DDX60L: variants seen among roughly 807,000 people sequenced by gnomAD.
The protein encoded by DDX60L is probable ATP-dependent RNA helicase DDX60-like.
In DDX60L, 191 loss-of-function variants were observed where a neutral mutation model predicts 211.6. That is an observed-to-expected ratio of 0.90 (90% CI 0.80 to 1.02). The LOEUF (loss-of-function observed/expected upper bound fraction) is 1.02. Among genes scored for constraint, DDX60L ranks in the 50% least tolerant of loss-of-function variants. DDX60L has a pLI of 0.00. For missense variants in DDX60L, 2,007 were observed against 1,984.1 expected, an observed-to-expected ratio of 1.01 and a Z score of -0.22; for synonymous variants, 706 against 694.1, an observed-to-expected ratio of 1.02 and a Z score of -0.27.
At chr4:168,362,093 G>A (rs1056118728) in intron 36 of DDX60L, among the ~76,000 whole-genome samples, 19 of 152,206 alleles carry the variant, frequency 1.2e-4, no homozygotes, top group Admixed American at 5.2e-4. Flanking sequence ...CTCGTGCTGC[G>A]CAGCCAGAAA....
At chr4:168,453,788 A>C (rs760474952) in intron 7 of DDX60L, among the ~76,000 whole-genome samples, 7 of 152,238 alleles carry the variant, frequency 4.6e-5, no homozygotes, top group Non-Finnish European at 1.0e-4. Context: ...AGGTTAAAAA[A>C]ACCTTAATCT....
rs375977740 is a variant in DDX60L at position 168,421,789 on chromosome 4, C to T, written c.2365G>A (p.Gly789Arg). Residue 789 changes from glycine to arginine, a missense_variant, in exon 17 of 38, where the codon GGG (glycine) becomes AGG (arginine). Physicochemically the swap from Gly to Arg is moderately radical, Grantham distance 125 (BLOSUM62 -2). Transcript: ENST00000682922. ...GCGGGTGCAACGTACACAACCACCC[C>T]GACATCGCTCTCCCTCAGCACTTTC... Reference protein sequence around the residue: ...MEKVLRESDVGVVVYVAPAKS... With the variant: ...MEKVLRESDVRVVVYVAPAKS... 105 of 1,614,126 alleles carry T rather than the reference C, an allele frequency of 6.5e-5. No individual in the cohort carries two copies. The Middle Eastern group carries it at 1.3e-3, about 20-fold the overall frequency.
At position 168,427,317 on chromosome 4, in the gene DDX60L, G is replaced by A; in HGVS notation, c.1683C>T (p.Thr561=). ...SGASGEILQN[T]KPHQITKKSK... ...TCTTTTTGGTAATTTGGTGGGGTTTGGTATTCTGCTCAATAATAAAAGGAA... is the reference window on the plus strand; with the variant it reads ...TCTTTTTGGTAATTTGGTGGGGTTTAGTATTCTGCTCAATAATAAAAGGAA... Residue 561 remains threonine (T), a synonymous_variant, in exon 14 of 38, where the codon ACC becomes ACT. Coordinates refer to ENST00000682922, the MANE Select transcript of DDX60L (RefSeq NM_001012967.3). 4.3e-6 allele frequency: 7 copies of A among 1,611,664 alleles called. No homozygotes were observed. Among genetic ancestry groups the A allele is most frequent in the Non-Finnish European group, 5.9e-6 (7 of 1,179,380 alleles).
rs368203469 is a variant in DDX60L at position 168,391,677 on chromosome 4, A to G, written c.3811-33T>C. 2.3e-5 allele frequency: 27 copies of G among 1,153,390 alleles called. 1 individual carries two copies. The highest frequency in any genetic ancestry group is 2.0e-4 in the Middle Eastern group (1 of 5,050). The allele number at this position is 1,153,390 out of a possible 1,614,324, so 71.4% of individuals were successfully genotyped here. A position where few individuals can be genotyped will look rare whatever the true frequency, so the allele number is the denominator to read the frequency against. On this transcript the variant is annotated intron_variant, in intron 28 of 37. Coordinates refer to ENST00000682922, the MANE Select transcript of DDX60L (RefSeq NM_001012967.3). Reference sequence around the variant, plus strand: ...AAAAAAAAAAAAACAGTCAATACACAATATAGCATATCTATAAGGACACAA... The same window carrying G: ...AAAAAAAAAAAAACAGTCAATACACGATATAGCATATCTATAAGGACACAA...
intron 1 of DDX60L, among the ~76,000 whole-genome samples, chr4:168,473,231 G>A (rs1013924208): frequency 2.6e-5 from 4 of 152,168 alleles, no homozygotes; most frequent in African/African-American, 9.7e-5. Context: ...AGTCTTTTAA[G>A]GAATTTTAAG....
intron 19 of DDX60L, among the ~76,000 whole-genome samples, chr4:168,418,789 G>A (rs1749997162): frequency 6.6e-6 from 1 of 152,218 alleles, no homozygotes; most frequent in South Asian, 2.1e-4. Flanking sequence ...GTCTGACCTT[G>A]GGAATTGGCT....
chr4:168,404,220 G>T (rs1192131479), intron 24 of DDX60L, 114 bp from the exon 25 acceptor site: 2 of 777,966 alleles, frequency 2.6e-6, no homozygotes, highest in Non-Finnish European at 3.7e-6. Flanking sequence ...ATATAATTTT[G>T]GGTGGGTTTT....
At chr4:168,402,676 G>A (rs767794687) in intron 25 of DDX60L, among the ~76,000 whole-genome samples, 1 of 152,100 alleles carries the variant, frequency 6.6e-6, no homozygotes, top group Non-Finnish European at 1.5e-5. Context: ...GCCTCTACAT[G>A]GGCACCAGTC....
rs1049866203 is a variant in DDX60L at position 168,379,373 on chromosome 4, T to C, written c.4353A>G (p.Pro1451=). 2 of 1,571,160 alleles carry C rather than the reference T, an allele frequency of 1.3e-6. No homozygotes were observed. Among genetic ancestry groups the C allele is most frequent in the East Asian group, 2.3e-5 (1 of 43,546 alleles). Residue 1451 remains proline, a synonymous_variant, in exon 32 of 38, where the codon CCA becomes CCG. Transcript: ENST00000682922. ...KRGLFHNLCK[P]AWKGSQQFSQ... Reference sequence around the variant, plus strand: ...AAAACCCAAGCTTACCTTTCCAGGCTGGCTTACAGAGATTATGGAAAAGGC... The same window carrying C: ...AAAACCCAAGCTTACCTTTCCAGGCCGGCTTACAGAGATTATGGAAAAGGC...
intron 25 of DDX60L, 134 bp from the exon 26 acceptor site, chr4:168,401,112 T>G: frequency 1.3e-6 from 1 of 773,012 alleles, no homozygotes; most frequent in African/African-American, 1.8e-5. Flanking sequence ...AAATTTAAAC[T>G]GAAAGACTGG....
chr4:168,367,040 A>G (rs1034392679), intron 36 of DDX60L, among the ~76,000 whole-genome samples: 2 of 152,086 alleles, frequency 1.3e-5, no homozygotes, highest in African/African-American at 4.8e-5. Flanking sequence ...AGCATAATAT[A>G]ATATGCTAAT....
intron 17 of DDX60L, among the ~76,000 whole-genome samples, chr4:168,420,959 T>C (rs998669734): frequency 2.0e-5 from 3 of 152,178 alleles, no homozygotes; most frequent in Non-Finnish European, 2.9e-5. Flanking sequence ...AGCTTAACTA[T>C]AATTATATAA....
In DDX60L at chr4:168,441,510, A is replaced by T; in HGVS notation, c.1139-18T>A. ...ATGTGGTTCTGCATAACAATAAAAA[A>T]TATTAAAATCTCAAAAGTCATACAC... On this transcript the variant is annotated intron_variant, in intron 9 of 37. Coordinates refer to ENST00000682922, the MANE Select transcript of DDX60L (RefSeq NM_001012967.3). 6.4e-7 allele frequency: 1 copy of T among 1,574,270 alleles called. No individual in the cohort carries two copies. The highest frequency in any genetic ancestry group is 8.6e-7 in the Non-Finnish European group (1 of 1,160,070).
At chr4:168,371,912 G>T (rs969587771) in intron 35 of DDX60L, 149 bp from the exon 36 acceptor site, 13 of 705,520 alleles carry the variant, frequency 1.8e-5, no homozygotes, top group Admixed American at 8.5e-5. Context: ...ATTCCCATGG[G>T]GGTTGAGGGA....
intron 1 of DDX60L, among the ~76,000 whole-genome samples, chr4:168,477,473 T>C (rs1332661965): frequency 6.6e-6 from 1 of 152,194 alleles, no homozygotes; most frequent in Non-Finnish European, 1.5e-5. Context: ...GCTATCGTTC[T>C]TTTAATCTAA....
rs774104727 is a variant in DDX60L, at chr4:168,394,446, T to C, written c.3810+19A>G. 5 of 1,574,460 alleles carry C rather than the reference T, an allele frequency of 3.2e-6. No homozygotes were observed. The South Asian group carries it at 4.7e-5, about 15-fold the overall frequency. On this transcript the variant is annotated intron_variant, in intron 28 of 37. Transcript: ENST00000682922. ...AATATGCACAACTTTATTTTTTAAATGCAAAGAAATTTACCTACCCTAATA... is the reference window on the plus strand; with the variant it reads ...AATATGCACAACTTTATTTTTTAAACGCAAAGAAATTTACCTACCCTAATA...
At chr4:168,390,532 T>C in intron 29 of DDX60L, 1 of 1,396,422 alleles carries the variant, frequency 7.2e-7, no homozygotes. Context: ...TCACATGATC[T>C]AAATTTGAAT....
In DDX60L at chr4:168,373,786, T is replaced by C. The variant is rs371991809; in HGVS notation, c.4656A>G (p.Glu1552=). 3 of 1,613,732 alleles carry C rather than the reference T, an allele frequency of 1.9e-6. No homozygotes were observed. The highest frequency in any genetic ancestry group is 2.5e-6 in the Non-Finnish European group (3 of 1,179,886). ...TCAAGTGAGACACGAGTTGGGAGTCTTCACATTCTTTACCTGTGAATTCTG... is the reference window on the plus strand; with the variant it reads ...TCAAGTGAGACACGAGTTGGGAGTCCTCACATTCTTTACCTGTGAATTCTG... The part of the protein sequence containing the change: ...SRIKFTGKEC[E]DSQLVSHLMS... Residue 1552 remains glutamate, a synonymous_variant, in exon 35 of 38, where the codon GAA becomes GAG. Transcript: ENST00000682922.
chr4:168,427,661 G>C (rs961717920), intron 13 of DDX60L, among the ~76,000 whole-genome samples: 2 of 152,174 alleles, frequency 1.3e-5, no homozygotes, highest in African/African-American at 4.8e-5. Context: ...TGGGGATTTG[G>C]AACTTAATTA....
Sources: allele counts gnomAD v4.1 joint callset (sites outside exome capture counted in the v4.1 genomes callset), GRCh38; gene constraint gnomAD v4.1.1; transcripts MANE v1.5; gene names NCBI Gene and HGNC (gene_info 2026-07-23, HGNC 2026-07-21).